Variants in ZNF385D observed in about 807,000 individuals in gnomAD.
The protein encoded by ZNF385D is zinc finger protein 659.
Under a neutral mutation model 35.8 loss-of-function variants are expected in ZNF385D, and 15 were observed. That is an observed-to-expected ratio of 0.42 (90% CI 0.28 to 0.64). The LOEUF is 0.64. Among genes scored for constraint, ZNF385D ranks in the 30% least tolerant of loss-of-function variants. ZNF385D has a pLI of 0.23. For synonymous variants in ZNF385D, 212 were observed against 186.8 expected (o/e 1.13, Z -1.10); for missense variants, 474 against 494.6 (o/e 0.96, Z 0.39).
chr3:22,230,335 T>G (rs1280657922), intron 2 of ZNF385D, among the ~76,000 whole-genome samples: 2 of 152,174 alleles, frequency 1.3e-5, no homozygotes, highest in African/African-American at 2.4e-5. Flanking sequence ...GTACAGGTTT[T>G]TATGGCCCTT....
chr3:21,453,489 A>G (rs979258523), intron 4 of ZNF385D, among the ~76,000 whole-genome samples: 5 of 151,998 alleles, frequency 3.3e-5, no homozygotes, highest in African/African-American at 1.2e-4. Flanking sequence ...TCTAATATCC[A>G]TTATATATAA....
At chr3:22,270,166 C>A (rs779731553) in intron 2 of ZNF385D, among the ~76,000 whole-genome samples, 7 of 151,860 alleles carry the variant, frequency 4.6e-5, no homozygotes, top group Non-Finnish European at 1.0e-4. Flanking sequence ...GATTTATTTC[C>A]CCCTAGAAAA....
Position 21,421,633 on chromosome 3 carries a change from A to T in ZNF385D, c.955-186T>A, listed in dbSNP as rs1700744340. ...ATTTTCCCTTTGGAAGAGTTGGAAG[A>T]TACCTGAAAATGGCCAACCGGGAAT... On this transcript the variant is annotated intron_variant, in intron 7 of 7. Coordinates refer to ENST00000281523, the MANE Select transcript of ZNF385D (RefSeq NM_024697.3). Among the ~76,000 whole-genome samples the T allele has an allele frequency of 2.0e-5, 3 of 152,248 alleles. No individual in the cohort carries two copies. In the South Asian group the frequency reaches 6.2e-4, roughly 32 times the overall value.
At chr3:22,205,027 G>T (rs1294283383) in intron 2 of ZNF385D, among the ~76,000 whole-genome samples, 1 of 137,400 alleles carries the variant, frequency 7.3e-6, no homozygotes, top group East Asian at 2.1e-4. Context: ...GAAGGTTATA[G>T]AACACCAAGC....
At chr3:21,659,777 A>G (rs1393174830) in intron 2 of ZNF385D, among the ~76,000 whole-genome samples, 1 of 152,124 alleles carries the variant, frequency 6.6e-6, no homozygotes, top group Non-Finnish European at 1.5e-5. Context: ...TGTTGAATAA[A>G]TTTTTAAAAA....
chr3:21,754,638 C>G (rs978805533), upstream of ZNF385D, among the ~76,000 whole-genome samples: 1 of 151,882 alleles, frequency 6.6e-6, no homozygotes, highest in Non-Finnish European at 1.5e-5. Context: ...TTTTAAAATG[C>G]CTTTGTCCCT....
intron 4 of ZNF385D, among the ~76,000 whole-genome samples, chr3:21,485,951 G>T (rs1337396751): frequency 6.7e-6 from 1 of 149,868 alleles, no homozygotes; most frequent in Non-Finnish European, 1.5e-5. Flanking sequence ...GTACTTTTAG[G>T]CACACCTCAC....
chr3:22,315,828 C>A (rs1448658431), intron 2 of ZNF385D, among the ~76,000 whole-genome samples: 1 of 152,056 alleles, frequency 6.6e-6, no homozygotes. Context: ...TAAAACTGAT[C>A]CCCTCCTTGT....
At chr3:21,884,352 T>C (rs914563172) in intron 3 of ZNF385D, among the ~76,000 whole-genome samples, 2 of 151,986 alleles carry the variant, frequency 1.3e-5, no homozygotes, top group Non-Finnish European at 2.9e-5. Context: ...TTCGCTGGAA[T>C]TGTTATCTGA....
At chr3:22,356,153 G>T (rs1254423059) in intron 2 of ZNF385D, among the ~76,000 whole-genome samples, 1 of 151,992 alleles carries the variant, frequency 6.6e-6, no homozygotes, top group Admixed American at 6.6e-5. Flanking sequence ...GGACTGTGTG[G>T]AGGTGGAAAT....
chr3:21,864,699 T>G (rs1697238599), intron 3 of ZNF385D, among the ~76,000 whole-genome samples: 2 of 152,234 alleles, frequency 1.3e-5, no homozygotes, highest in South Asian at 4.1e-4. Context: ...TGCTATGGGT[T>G]TGCCTGAAGA....
chr3:22,263,575 G>A (rs1700743850), intron 2 of ZNF385D, among the ~76,000 whole-genome samples: 1 of 151,870 alleles, frequency 6.6e-6, no homozygotes, highest in Non-Finnish European at 1.5e-5. Flanking sequence ...AGTCCTACAA[G>A]GGCAAAAGTT....
chr3:21,475,633 T>C (rs1289964588), intron 4 of ZNF385D, among the ~76,000 whole-genome samples: 1 of 152,100 alleles, frequency 6.6e-6, no homozygotes, highest in East Asian at 1.9e-4. Context: ...ACATCTTAAT[T>C]TTTTAATATG....
chr3:22,213,388 T>TTATA, intron 2 of ZNF385D, among the ~76,000 whole-genome samples: 1 of 152,090 alleles, frequency 6.6e-6, no homozygotes. Context: ...GACCATTGGG[T>TTATA]TATAGTTTGT....
At chr3:22,042,559 G>C (rs537065549) in intron 3 of ZNF385D, among the ~76,000 whole-genome samples, 2 of 152,220 alleles carry the variant, frequency 1.3e-5, no homozygotes, top group Admixed American at 6.5e-5. Context: ...ATTTCCAAGA[G>C]CTCAATAATC....
chr3:22,327,213 C>T (rs780363289), intron 2 of ZNF385D, among the ~76,000 whole-genome samples: 3 of 152,000 alleles, frequency 2.0e-5, no homozygotes, highest in South Asian at 2.1e-4. Flanking sequence ...AAAATCCATT[C>T]GAAAACTGGT....
At chr3:21,692,563 C>G (rs1470381050) in intron 1 of ZNF385D, among the ~76,000 whole-genome samples, 2 of 152,224 alleles carry the variant, frequency 1.3e-5, no homozygotes, top group East Asian at 3.9e-4. Context: ...CTACTTGACA[C>G]CAGTCACTTT....
intron 3 of ZNF385D, among the ~76,000 whole-genome samples, chr3:22,029,469 T>G (rs1697784757): frequency 6.6e-6 from 1 of 152,226 alleles, no homozygotes; most frequent in Admixed American, 6.5e-5. Flanking sequence ...GCTGAGGTGC[T>G]TGCTGAAGGC....
chr3:22,130,257 T>A (rs945348513), intron 3 of ZNF385D, among the ~76,000 whole-genome samples: 1 of 152,116 alleles, frequency 6.6e-6, no homozygotes, highest in South Asian at 2.1e-4. Context: ...CTGCCTAAAG[T>A]TGGGAGAAGG....
Sources: gnomAD v4.1 joint callset for allele counts (sites outside exome capture counted in the v4.1 genomes callset) on GRCh38, gnomAD v4.1.1 for gene constraint, MANE v1.5 for transcripts, NCBI Gene and HGNC (gene_info 2026-07-23, HGNC 2026-07-21) for gene names.